CCNT1: variants seen among roughly 807,000 people sequenced by gnomAD.
CCNT1 encodes cyclin-T1.
CCNT1 carries 18 observed loss-of-function variants against 67.3 expected under a neutral mutation model. That is an observed-to-expected ratio of 0.27 (90% CI 0.18 to 0.40). The LOEUF is 0.40. Among genes scored for constraint, CCNT1 ranks in the 10% least tolerant of loss-of-function variants. CCNT1 has a pLI of 1.00. For synonymous variants in CCNT1, 333 were observed against 310.3 expected (o/e 1.07, Z -0.77); for missense variants, 744 against 884.9 (o/e 0.84, Z 2.02).
chr12:48,701,217 CT>C (rs539754445), intron 3 of CCNT1, 144 bp from the exon 4 acceptor site: 1,572 of 92,872 alleles, frequency 0.017, 8 homozygotes, highest in South Asian at 0.032. Context: ...GAAATACAAT[CT>C]TTTTTTTTTT....
chr12:48,710,272 T>C (rs1306802428), intron 2 of CCNT1, among the ~76,000 whole-genome samples: 1 of 152,172 alleles, frequency 6.6e-6, no homozygotes, highest in Non-Finnish European at 1.5e-5. Flanking sequence ...AACATATCAA[T>C]GCCACATTGA....
At chr12:48,701,370 C>T (rs540403642) in intron 3 of CCNT1, among the ~76,000 whole-genome samples, 4 of 151,392 alleles carry the variant, frequency 2.6e-5, no homozygotes, top group South Asian at 2.1e-4. Flanking sequence ...AGATTCCAGG[C>T]GCGCAACACC....
chr12:48,714,848 T>C (rs1258665868), intron 1 of CCNT1, among the ~76,000 whole-genome samples: 2 of 152,102 alleles, frequency 1.3e-5, no homozygotes, highest in Non-Finnish European at 2.9e-5. Flanking sequence ...GCTCACACTC[T>C]GTCGCCCACA....
rs61751602 is a variant in CCNT1 at position 48,693,499 on chromosome 12, C to T, written c.1715G>A (p.Arg572His). ...AGTCTCTTCAGAGGGTCCCCTTTTA[C>T]GAGTAGAACTGGAAGAGGAAAAAGA... ...SSSFSSSSST[R>H]KRGPSEETGG... The change falls in exon 9 of 9, where the codon CGT becomes CAT. Residue 572 changes from arginine (R) to histidine (H), a missense_variant. Around this residue, in one of 3 missense-constraint regions of CCNT1, gnomAD observed 564 missense variants for 574.2 expected, o/e 0.98. Coordinates refer to ENST00000261900, the MANE Select transcript of CCNT1 (RefSeq NM_001240.4). 1.1e-3 allele frequency: 1,814 copies of T among 1,614,122 alleles called. 1 individual carries two copies. Among genetic ancestry groups the T allele is most frequent in the Non-Finnish European group, 1.4e-3 (1,692 of 1,180,026 alleles).
At chr12:48,699,937 G>A (rs1329171681) in intron 4 of CCNT1, 97 bp from the exon 5 acceptor site, 2 of 682,678 alleles carry the variant, frequency 2.9e-6, no homozygotes, top group African/African-American at 1.8e-5. Flanking sequence ...CACCTTACTG[G>A]TTTCCACACT....
At chr12:48,707,262 T>C (rs1427261881) in intron 2 of CCNT1, among the ~76,000 whole-genome samples, 1 of 151,678 alleles carries the variant, frequency 6.6e-6, no homozygotes, top group Admixed American at 6.6e-5. Flanking sequence ...GATAATCGGA[T>C]GTGGAACACT....
chr12:48,695,938 G>A, intron 7 of CCNT1, 61 bp downstream of exon 7: 11 of 1,580,538 alleles, frequency 7.0e-6, no homozygotes, highest in Non-Finnish European at 9.6e-6. Flanking sequence ...AGTCACCTTT[G>A]GCCAGCTATG....
chr12:48,700,402 T>C (rs1940247018), intron 4 of CCNT1, among the ~76,000 whole-genome samples: 1 of 151,706 alleles, frequency 6.6e-6, no homozygotes. Context: ...TATATATATA[T>C]GTACAAAAAA....
At position 48,691,800 on chromosome 12, in the gene CCNT1, G is replaced by C. The variant is rs984445019; in HGVS notation, c.*1233C>G. 5 of 152,168 alleles carry C rather than the reference G, an allele frequency of 3.3e-5. No homozygotes were observed. Among genetic ancestry groups the C allele is most frequent in the African/African-American group, 1.2e-4 (5 of 41,442 alleles). 9.4% of individuals were successfully genotyped at this position (152,168 alleles called of 1,614,324 possible). On this transcript the variant is annotated 3_prime_UTR_variant, in exon 9 of 9. Coordinates refer to ENST00000261900, the MANE Select transcript of CCNT1 (RefSeq NM_001240.4). ...TAGGCTGCAAAAACTTGAGGATGTAGCTGTTTCCCTTCGGATATACACATA... is the reference window on the plus strand; with the variant it reads ...TAGGCTGCAAAAACTTGAGGATGTACCTGTTTCCCTTCGGATATACACATA...
intron 5 of CCNT1, among the ~76,000 whole-genome samples, chr12:48,699,423 A>T (rs2137229969): frequency 1.3e-5 from 2 of 152,304 alleles, no homozygotes; most frequent in East Asian, 3.9e-4. Flanking sequence ...ATATCATGGA[A>T]AGTCCAAATA....
chr12:48,714,823 C>A (rs1490886528), intron 1 of CCNT1, among the ~76,000 whole-genome samples: 1 of 152,140 alleles, frequency 6.6e-6, no homozygotes, highest in African/African-American at 2.4e-5. Context: ...CTATATAAGG[C>A]GGCCAGGCGC....
rs1394002222 is a variant in CCNT1 at position 48,691,202 on chromosome 12, G to A, written c.*1831C>T. On this transcript the variant is annotated 3_prime_UTR_variant, in exon 9 of 9. Coordinates refer to ENST00000261900, the MANE Select transcript of CCNT1 (RefSeq NM_001240.4). ...GGGCACTAACCCACCGTCAGTTAAC[G>A]TTTACTCCTGCCTACAAATTCCTTT... The A allele has an allele frequency of 1.3e-5, 2 of 152,124 alleles. No individual in the cohort carries two copies. The highest frequency in any genetic ancestry group is 2.4e-5 in the African/African-American group (1 of 41,428). The allele number at this position is 152,124 out of a possible 1,614,324, so 9.4% of individuals were successfully genotyped here.
rs1940052163 is a variant in CCNT1, at chr12:48,690,286, T to G, written c.*2747A>C. Reference sequence around the variant, plus strand: ...CCTACTTATCACCATCACTTATTTTTGACAGTCTAGGTTACATGGAGAAAC... The same window carrying G: ...CCTACTTATCACCATCACTTATTTTGGACAGTCTAGGTTACATGGAGAAAC... On this transcript the variant is annotated 3_prime_UTR_variant, in exon 9 of 9. Coordinates refer to ENST00000261900, the MANE Select transcript of CCNT1 (RefSeq NM_001240.4). The G allele has an allele frequency of 6.6e-6, 1 of 152,194 alleles. No individual in the cohort carries two copies. The highest frequency in any genetic ancestry group is 2.4e-5 in the African/African-American group (1 of 41,452). The allele number at this position is 152,194 out of a possible 1,614,324, so 9.4% of individuals were successfully genotyped here.
At chr12:48,698,481 TA>T (rs1204587326) in intron 5 of CCNT1, among the ~76,000 whole-genome samples, 3 of 152,206 alleles carry the variant, frequency 2.0e-5, no homozygotes, top group African/African-American at 4.8e-5. Context: ...ACCTGCTCCC[TA>T]AAATTTAATT....
chr12:48,711,782 A>G (rs948687701), intron 2 of CCNT1, among the ~76,000 whole-genome samples: 1 of 152,048 alleles, frequency 6.6e-6, no homozygotes, highest in Non-Finnish European at 1.5e-5. Flanking sequence ...TGGGTGGATC[A>G]TCAGCAAAAA....
In CCNT1 at chr12:48,695,748, A is replaced by G; in HGVS notation, c.777+11T>C. ...GATTTTGTTCCACAAGCTGACAGTAATGATTCTTACCCTCCAATTCCAAAT... is the reference window on the plus strand; with the variant it reads ...GATTTTGTTCCACAAGCTGACAGTAGTGATTCTTACCCTCCAATTCCAAAT... On this transcript the variant is annotated intron_variant, in intron 8 of 8. Transcript: ENST00000261900. 1 of 1,589,422 alleles carries G rather than the reference A, an allele frequency of 6.3e-7. No homozygotes were observed. The highest frequency in any genetic ancestry group is 8.6e-7 in the Non-Finnish European group (1 of 1,157,916).
Position 48,692,954 on chromosome 12 carries a change from ATT to A in CCNT1, c.*77_*78del, listed in dbSNP as rs755705045. 3 of 893,778 alleles carry A rather than the reference ATT, an allele frequency of 3.4e-6. No individual in the cohort carries two copies. The highest frequency in any genetic ancestry group is 1.7e-6 in the Non-Finnish European group (1 of 597,714). The allele number at this position is 893,778 out of a possible 1,614,324, so 55.4% of individuals were successfully genotyped here. A position where few individuals can be genotyped will look rare whatever the true frequency, so the allele number is the denominator to read the frequency against. ...CCAAGGATGACATATTTCATAAGTA[ATT>A]TTCTTAGTCCAAAAAAAAAAAAGAA... On this transcript the variant is annotated 3_prime_UTR_variant, in exon 9 of 9. Coordinates refer to ENST00000261900, the MANE Select transcript of CCNT1 (RefSeq NM_001240.4).
At chr12:48,709,457 A>G (rs1035361738) in intron 2 of CCNT1, among the ~76,000 whole-genome samples, 3 of 152,230 alleles carry the variant, frequency 2.0e-5, no homozygotes, top group Non-Finnish European at 2.9e-5. Context: ...AAATGCTTAT[A>G]TAAGTGCACT....
intron 2 of CCNT1, among the ~76,000 whole-genome samples, chr12:48,712,407 CTGGGATTACAGGCA>C (rs1940465661): frequency 6.6e-6 from 1 of 150,830 alleles, no homozygotes; most frequent in African/African-American, 2.4e-5. Flanking sequence ...TCCTGAGTAG[CTGGGATTACAGGCA>C]TGAAACTCCA....
Sources: gnomAD v4.1 joint callset for allele counts (sites outside exome capture counted in the v4.1 genomes callset) on GRCh38, gnomAD v4.1.1 for gene constraint, gnomAD v4.1.1 regional missense constraint, MANE v1.5 for transcripts, NCBI Gene and HGNC (gene_info 2026-07-23, HGNC 2026-07-21) for gene names.